Variants in DAAM1 observed in about 807,000 individuals in gnomAD.
The protein encoded by DAAM1 is disheveled-associated activator of morphogenesis 1.
DAAM1 carries 52 observed loss-of-function variants against 130.0 expected under a neutral mutation model. The observed-to-expected ratio is 0.40, with a 90% CI of 0.32 to 0.50. DAAM1 has a LOEUF of 0.50. DAAM1 is among the 20% of genes least tolerant of loss of function. The pLI, the probability that DAAM1 is intolerant of heterozygous loss-of-function variation, is 0.61. For synonymous variants in DAAM1, 452 were observed against 444.5 expected (o/e 1.02, Z -0.21); for missense variants, 1,134 against 1,303.8 (o/e 0.87, Z 2.01).
At chr14:59,232,037 T>C (rs962374946) in intron 1 of DAAM1, among the ~76,000 whole-genome samples, 2 of 152,184 alleles carry the variant, frequency 1.3e-5, no homozygotes, top group Non-Finnish European at 2.9e-5. Flanking sequence ...TATCCCCACT[T>C]TACAGAGAGG....
At chr14:59,273,237 T>C (rs1882808544) in intron 2 of DAAM1, among the ~76,000 whole-genome samples, 1 of 152,232 alleles carries the variant, frequency 6.6e-6, no homozygotes, top group Non-Finnish European at 1.5e-5. Context: ...ATGTATATTG[T>C]ATCTTACCAA....
intron 2 of DAAM1, among the ~76,000 whole-genome samples, chr14:59,275,649 A>G (rs1420701098): frequency 3.9e-5 from 6 of 152,226 alleles, no homozygotes; most frequent in Non-Finnish European, 8.8e-5. Flanking sequence ...AAGCTGAATA[A>G]AAAGCCTATG....
Position 59,194,403 on chromosome 14 carries a change from A to G in DAAM1, c.-38+5635A>G, listed in dbSNP as rs568261041. ...CTCTCCTTTGCTGTATGAACGATAG[A>G]CAAATTATTTGAAAAAGGAAATGCT... is the stretch of plus-strand genomic sequence containing the variant. On this transcript the variant is annotated intron_variant, in intron 1 of 24. Transcript: ENST00000360909. 2.0e-5 allele frequency among the ~76,000 whole-genome samples: 3 copies of G among 152,246 alleles called. No homozygotes were observed. The South Asian group carries it at 6.2e-4, about 31-fold the overall frequency.
intron 2 of DAAM1, among the ~76,000 whole-genome samples, chr14:59,288,217 A>G (rs1883549303): frequency 6.6e-6 from 1 of 152,232 alleles, no homozygotes; most frequent in African/African-American, 2.4e-5. Flanking sequence ...CTGTCTAGCC[A>G]TAGGCAGAAG....
chr14:59,245,738 C>T (rs917715345), intron 1 of DAAM1, among the ~76,000 whole-genome samples: 1 of 152,142 alleles, frequency 6.6e-6, no homozygotes, highest in African/African-American at 2.4e-5. Flanking sequence ...GCTTTTCCCC[C>T]ATCGCCCCAT....
At chr14:59,353,114 A>G (rs994251078) in intron 18 of DAAM1, among the ~76,000 whole-genome samples, 3 of 152,178 alleles carry the variant, frequency 2.0e-5, no homozygotes, top group Admixed American at 6.5e-5. Context: ...TCACTAATCA[A>G]TCATGGCACT....
intron 1 of DAAM1, among the ~76,000 whole-genome samples, chr14:59,256,513 A>G (rs537247957): frequency 1.3e-5 from 2 of 152,356 alleles, no homozygotes; most frequent in Admixed American, 6.5e-5. Flanking sequence ...TGTGTATAGC[A>G]TAGCACTAGT....
At chr14:59,254,275 C>G (rs944611867) in intron 1 of DAAM1, among the ~76,000 whole-genome samples, 5 of 152,106 alleles carry the variant, frequency 3.3e-5, no homozygotes, top group South Asian at 4.1e-4. Flanking sequence ...GACTGCTGGC[C>G]TTAGTCTCAG....
At chr14:59,293,871 G>A (rs912712116) in intron 3 of DAAM1, among the ~76,000 whole-genome samples, 6 of 152,120 alleles carry the variant, frequency 3.9e-5, no homozygotes, top group African/African-American at 1.4e-4. Flanking sequence ...TTTCTTGAAG[G>A]ACAGGTTGCC....
In DAAM1 at chr14:59,316,693, A is replaced by G. The variant is rs72726371; in HGVS notation, c.345+1342A>G. Among the ~76,000 whole-genome samples, 395 of 152,368 alleles carry G rather than the reference A, an allele frequency of 2.6e-3. 2 individuals carry two copies. The highest frequency in any genetic ancestry group is 4.6e-3 in the Non-Finnish European group (312 of 68,040). ...GATGACCACCAGGGATTTTCTGTGCATCTGCCTAAGCAATAATAATTTGGA... is the reference window on the plus strand; with the variant it reads ...GATGACCACCAGGGATTTTCTGTGCGTCTGCCTAAGCAATAATAATTTGGA... On this transcript the variant is annotated intron_variant, in intron 4 of 24. Coordinates refer to ENST00000360909, the MANE Select transcript of DAAM1 (RefSeq NM_001270520.2).
chr14:59,241,679 T>C (rs1040092402), intron 1 of DAAM1, among the ~76,000 whole-genome samples: 1 of 152,232 alleles, frequency 6.6e-6, no homozygotes, highest in Non-Finnish European at 1.5e-5. Flanking sequence ...AGAGCTTCCC[T>C]GTGTCTTCTA....
Position 59,259,174 on chromosome 14 carries a change from T to A in DAAM1, c.-37-4267T>A, listed in dbSNP as rs543042191. Among the ~76,000 whole-genome samples the A allele has an allele frequency of 7.6e-4, 116 of 152,302 alleles. 1 individual carries two copies. The highest frequency in any genetic ancestry group is 1.3e-3 in the Non-Finnish European group (91 of 68,026). ...GCTGTTTATTTATTCTGTAAATACT[T>A]TGATTGTACCTCTGTGTGCAAAACA... On this transcript the variant is annotated intron_variant, in intron 1 of 24. Transcript: ENST00000360909.
At chr14:59,237,108 A>G (rs561972423) in intron 1 of DAAM1, among the ~76,000 whole-genome samples, 9 of 152,342 alleles carry the variant, frequency 5.9e-5, no homozygotes, top group African/African-American at 2.2e-4. Context: ...GCATAGAGTC[A>G]GTTTTAACCT....
intron 12 of DAAM1, among the ~76,000 whole-genome samples, chr14:59,327,311 C>G (rs1885241409): frequency 6.6e-6 from 1 of 151,436 alleles, no homozygotes; most frequent in African/African-American, 2.4e-5. Flanking sequence ...TCCGTCATGG[C>G]TCTTTAAATC....
chr14:59,214,636 T>C (rs1420430950), intron 1 of DAAM1, among the ~76,000 whole-genome samples: 1 of 152,240 alleles, frequency 6.6e-6, no homozygotes, highest in African/African-American at 2.4e-5. Context: ...TCTCATCTAG[T>C]TTAATGTTTT....
chr14:59,236,375 C>G (rs1169752795), intron 1 of DAAM1, among the ~76,000 whole-genome samples: 1 of 152,146 alleles, frequency 6.6e-6, no homozygotes, highest in Non-Finnish European at 1.5e-5. Flanking sequence ...GCCCTGTGAC[C>G]TGGCTTCTTG....
At chr14:59,288,738 A>T (rs1024809264) in intron 2 of DAAM1, among the ~76,000 whole-genome samples, 1 of 151,938 alleles carries the variant, frequency 6.6e-6, no homozygotes, top group Non-Finnish European at 1.5e-5. Context: ...TTGACTCACA[A>T]TTCTGCAGGC....
At position 59,368,873 on chromosome 14, in the gene DAAM1, C is replaced by CT. The variant is rs549891331; in HGVS notation, c.*22dup. On this transcript the variant is annotated 3_prime_UTR_variant, in exon 25 of 25. Coordinates refer to ENST00000360909, the MANE Select transcript of DAAM1 (RefSeq NM_001270520.2). ...CTTAATTTCTAATTTTCCATGAATACTTTTTTTTAGAAAGCTCATTAGCAG... is the reference window on the plus strand; with the variant it reads ...CTTAATTTCTAATTTTCCATGAATACTTTTTTTTTAGAAAGCTCATTAGCAG... 148 of 1,610,584 alleles carry CT rather than the reference C, an allele frequency of 9.2e-5. 2 individuals carry two copies. The East Asian group carries it at 1.2e-3, about 13-fold the overall frequency.
At chr14:59,238,378 A>T (rs1478839750) in intron 1 of DAAM1, among the ~76,000 whole-genome samples, 1 of 151,802 alleles carries the variant, frequency 6.6e-6, no homozygotes, top group East Asian at 1.9e-4. Context: ...GGTACTGAAC[A>T]CTCTTTTGTG....
Sources: allele counts gnomAD v4.1 joint callset (sites outside exome capture counted in the v4.1 genomes callset), GRCh38; gene constraint gnomAD v4.1.1; transcripts MANE v1.5; gene names NCBI Gene and HGNC (gene_info 2026-07-23, HGNC 2026-07-21).